TRPM3: variants seen among roughly 807,000 people sequenced by gnomAD.
The protein encoded by TRPM3 is long transient receptor potential channel 3.
TRPM3 carries 77 observed loss-of-function variants against 181.2 expected under a neutral mutation model. That is an observed-to-expected ratio of 0.42 (90% CI 0.35 to 0.51). The LOEUF (loss-of-function observed/expected upper bound fraction) is 0.51. TRPM3 is among the 20% of genes least tolerant of loss of function. The pLI is 0.01. For missense variants in TRPM3, 1,759 were observed against 2,196.7 expected (o/e 0.80, Z 3.98); for synonymous variants, 745 against 796.4 (o/e 0.94, Z 1.09).
intron 1 of TRPM3, among the ~76,000 whole-genome samples, chr9:71,329,767 T>C (rs1008229684): frequency 6.6e-6 from 1 of 152,200 alleles, no homozygotes; most frequent in African/African-American, 2.4e-5. Flanking sequence ...TGCCTGGCCC[T>C]AGGATTTGGG....
chr9:70,675,625 C>T (rs2063841460), intron 9 of TRPM3, among the ~76,000 whole-genome samples: 1 of 151,876 alleles, frequency 6.6e-6, no homozygotes, highest in Non-Finnish European at 1.5e-5. Flanking sequence ...TTTTTTAGTT[C>T]CACATTCATA....
chr9:70,894,062 T>C (rs2096249138), intron 1 of TRPM3, among the ~76,000 whole-genome samples: 1 of 152,090 alleles, frequency 6.6e-6, no homozygotes, highest in Admixed American at 6.6e-5. Flanking sequence ...GTTTGGAACA[T>C]TGTTGGAGGA....
intron 9 of TRPM3, among the ~76,000 whole-genome samples, chr9:70,649,037 TCAA>T (rs756417595): frequency 3.3e-5 from 5 of 151,896 alleles, no homozygotes; most frequent in Non-Finnish European, 7.4e-5. Flanking sequence ...AAATAAACTA[TCAA>T]CAGAGTAAAT....
chr9:70,962,231 T>A (rs1192063559), intron 1 of TRPM3, among the ~76,000 whole-genome samples: 1 of 152,104 alleles, frequency 6.6e-6, no homozygotes, highest in Non-Finnish European at 1.5e-5. Context: ...CCAGTAAGGT[T>A]ATAGGGGAGA....
intron 22 of TRPM3, among the ~76,000 whole-genome samples, chr9:70,579,735 CT>C (rs1282471666): frequency 2.6e-5 from 4 of 152,220 alleles, no homozygotes; most frequent in African/African-American, 4.8e-5. Flanking sequence ...CAGCAATTTA[CT>C]GCAGGCAGCG....
At chr9:70,547,752 G>A (rs1415893896) in intron 25 of TRPM3, among the ~76,000 whole-genome samples, 1 of 152,054 alleles carries the variant, frequency 6.6e-6, no homozygotes, top group East Asian at 1.9e-4. Context: ...ATTCTGTCCT[G>A]GACTTCTGAG....
chr9:70,943,127 T>C (rs1164772194), intron 1 of TRPM3, among the ~76,000 whole-genome samples: 1 of 152,152 alleles, frequency 6.6e-6, no homozygotes, highest in East Asian at 1.9e-4. Flanking sequence ...ATTTGTTAAA[T>C]AGGAATAATG....
chr9:70,965,275 T>C (rs1273319397), intron 1 of TRPM3, among the ~76,000 whole-genome samples: 1 of 152,078 alleles, frequency 6.6e-6, no homozygotes, highest in Non-Finnish European at 1.5e-5. Flanking sequence ...AACTCAGTAA[T>C]TATTGTACTT....
At chr9:71,227,016 G>T (rs1238194103) in intron 1 of TRPM3, among the ~76,000 whole-genome samples, 10 of 150,808 alleles carry the variant, frequency 6.6e-5, no homozygotes, top group African/African-American at 2.2e-4. Flanking sequence ...CACTGAGGCA[G>T]GAGAATTGTT....
intron 22 of TRPM3, among the ~76,000 whole-genome samples, chr9:70,559,365 G>A (rs2048500520): frequency 6.6e-6 from 1 of 152,154 alleles, no homozygotes; most frequent in Non-Finnish European, 1.5e-5. Context: ...ATCATGACCT[G>A]TCAATATAGG....
chr9:71,041,510 A>C (rs1240477784), intron 1 of TRPM3, among the ~76,000 whole-genome samples: 1 of 152,154 alleles, frequency 6.6e-6, no homozygotes, highest in Non-Finnish European at 1.5e-5. Context: ...ATATATATGC[A>C]TAAGTATGTT....
chr9:70,648,524 A>T (rs1326321605), intron 9 of TRPM3, among the ~76,000 whole-genome samples: 2 of 152,136 alleles, frequency 1.3e-5, no homozygotes, highest in Non-Finnish European at 2.9e-5. Flanking sequence ...AAAGAGCCTG[A>T]ATAGCCAAAA....
chr9:71,356,024 A>G (rs1324193107), intron 1 of TRPM3, among the ~76,000 whole-genome samples: 4 of 152,174 alleles, frequency 2.6e-5, no homozygotes, highest in Non-Finnish European at 5.9e-5. Flanking sequence ...TTGGGCTTCA[A>G]TGCGTTCTCA....
chr9:70,764,096 G>C (rs1350277031), intron 7 of TRPM3, among the ~76,000 whole-genome samples: 1 of 152,160 alleles, frequency 6.6e-6, no homozygotes, highest in Non-Finnish European at 1.5e-5. Flanking sequence ...GGACTTCGAA[G>C]GTGACGTTAT....
chr9:71,333,424 G>A (rs1269229880), intron 1 of TRPM3, among the ~76,000 whole-genome samples: 1 of 151,970 alleles, frequency 6.6e-6, no homozygotes, highest in Non-Finnish European at 1.5e-5. Flanking sequence ...AACATGACAA[G>A]ATGGTATTTC....
intron 1 of TRPM3, among the ~76,000 whole-genome samples, chr9:71,119,667 A>G (rs1400505231): frequency 6.6e-6 from 1 of 152,172 alleles, no homozygotes; most frequent in Non-Finnish European, 1.5e-5. Flanking sequence ...AATGTTTCTC[A>G]TTGCACTTCG....
intron 1 of TRPM3, among the ~76,000 whole-genome samples, chr9:71,232,489 G>GTTT (rs1565367207): frequency 1.0e-4 from 9 of 89,946 alleles, no homozygotes; most frequent in African/African-American, 3.1e-4. Context: ...TGAATTCAGT[G>GTTT]TCTTTTTTTT....
intron 1 of TRPM3, among the ~76,000 whole-genome samples, chr9:71,261,205 T>C (rs2083029104): frequency 6.6e-6 from 1 of 152,206 alleles, no homozygotes; most frequent in Non-Finnish European, 1.5e-5. Context: ...TTCATTCCTT[T>C]TCATTCTTTT....
At chr9:71,431,747 A>T (rs1218952775) in intron 1 of TRPM3, among the ~76,000 whole-genome samples, 1 of 152,234 alleles carries the variant, frequency 6.6e-6, no homozygotes, top group East Asian at 1.9e-4. Flanking sequence ...GTGCATCAAA[A>T]TAAAACCCAC....
Sources: allele counts gnomAD v4.1 joint callset (sites outside exome capture counted in the v4.1 genomes callset), GRCh38; gene constraint gnomAD v4.1.1; transcripts MANE v1.5; gene names NCBI Gene and HGNC (gene_info 2026-07-23, HGNC 2026-07-21).